NLRP7: variants seen among roughly 807,000 people sequenced by gnomAD.
The protein encoded by NLRP7 is NLR family pyrin domain containing 7, also known as NACHT, LRR and PYD domains-containing protein 7.
A neutral mutation model predicts 85.5 loss-of-function variants in NLRP7; 72 were observed. The ratio of observed to expected loss-of-function variants is 0.84; its 90% confidence interval spans 0.70 to 1.02. The LOEUF (loss-of-function observed/expected upper bound fraction) is 1.02, where lower values mean the gene tolerates loss of function less well. Ranked by LOEUF, NLRP7 falls within the 50% of genes least tolerant of loss-of-function variation. The probability of loss-of-function intolerance (pLI) is 0.00; values close to 1 mark genes in which losing one functional copy is unlikely to be tolerated. For synonymous variants in NLRP7, 550 were observed against 505.2 expected, an observed-to-expected ratio of 1.09 and a Z score of -1.19; for missense variants, 1,243 against 1,219.5, an observed-to-expected ratio of 1.02 and a Z score of -0.29.
chr19:54,955,331 AAAAT>A (rs2069817544), intron 1 of NLRP7, among the ~76,000 whole-genome samples: 1 of 152,004 alleles, frequency 6.6e-6, no homozygotes, highest in African/African-American at 2.4e-5. Flanking sequence ...CTCCGTCTCA[AAAAT>A]AAATAAATAA....
intron 6 of NLRP7, 139 bp downstream of exon 6, chr19:54,936,122 T>A (rs1021093018): frequency 4.0e-6 from 3 of 749,618 alleles, no homozygotes; most frequent in Non-Finnish European, 4.7e-6. Context: ...AGAGGCCGAC[T>A]CCCCCACACA....
At chr19:54,948,691 T>C (rs2069574651), upstream of NLRP7, among the ~76,000 whole-genome samples, 1 of 152,150 alleles carries the variant, frequency 6.6e-6, no homozygotes, top group Non-Finnish European at 1.5e-5. Context: ...TGCCTCAGCT[T>C]CCCAAGTAGC....
At position 54,934,713 on chromosome 19, in the gene NLRP7, C is replaced by A. The variant is rs987278405; in HGVS notation, c.2301-54G>T. 1 of 1,433,908 alleles carries A rather than the reference C, an allele frequency of 7.0e-7. No homozygotes were observed. The highest frequency in any genetic ancestry group is 9.5e-7 in the Non-Finnish European group (1 of 1,057,440). The allele number at this position is 1,433,908 out of a possible 1,614,324, so 88.8% of individuals were successfully genotyped here. A position where few individuals can be genotyped will look rare whatever the true frequency, so the allele number is the denominator to read the frequency against. ...TCTGGGAGGACAGAGTATACCCTAT[C>A]AGCTTTTTTTTTTTGAGACAGAGTT... On this transcript the variant is annotated intron_variant, in intron 6 of 9. Transcript: ENST00000340844. The surrounding 1 kb of genome is among the most constrained non-coding windows in gnomAD (Gnocchi z 6.7).
intron 1 of NLRP7, among the ~76,000 whole-genome samples, chr19:54,945,330 A>G (rs1158439041): frequency 6.6e-6 from 1 of 150,538 alleles, no homozygotes; most frequent in Admixed American, 6.6e-5. Flanking sequence ...GCTGGAGTGC[A>G]ATGGTGCGAG....
intron 1 of NLRP7, among the ~76,000 whole-genome samples, chr19:54,946,126 C>T (rs919598255): frequency 6.6e-6 from 1 of 151,372 alleles, no homozygotes. Context: ...AGGCTGGCCT[C>T]GAACTCCTGA....
At chr19:54,926,568 T>C (rs913534670) in intron 9 of NLRP7, among the ~76,000 whole-genome samples, 3 of 151,434 alleles carry the variant, frequency 2.0e-5, no homozygotes, top group Non-Finnish European at 4.4e-5. Context: ...TCACCTGAGG[T>C]TGGGAGTTTG....
chr19:54,955,713 G>A (rs911671920), intron 1 of NLRP7, among the ~76,000 whole-genome samples: 15 of 151,788 alleles, frequency 9.9e-5, no homozygotes, highest in African/African-American at 2.9e-4. Context: ...CGTGAATCCC[G>A]GAGTCGTAGG....
At chr19:54,923,701 C>T in exon 10 of NLRP7, 1 of 1,611,118 alleles carries the variant, frequency 6.2e-7, no homozygotes, top group Non-Finnish European at 8.5e-7. Flanking sequence ...AGACCCGAAT[C>T]CCGCTTCCTG....
intron 1 of NLRP7, among the ~76,000 whole-genome samples, chr19:54,955,253 C>T (rs779698448): frequency 6.6e-6 from 1 of 151,406 alleles, no homozygotes; most frequent in Admixed American, 6.6e-5. Context: ...CACTTGAACC[C>T]GGGTGGCAGA....
intron 1 of NLRP7, among the ~76,000 whole-genome samples, chr19:54,956,210 A>G (rs2069848364): frequency 6.6e-6 from 1 of 152,034 alleles, no homozygotes; most frequent in Non-Finnish European, 1.5e-5. Flanking sequence ...CAAGGAAGGA[A>G]GGAAGGAAGT....
chr19:54,957,060 C>G (rs1451044336), intron 1 of NLRP7, among the ~76,000 whole-genome samples: 2 of 151,948 alleles, frequency 1.3e-5, no homozygotes, highest in African/African-American at 4.8e-5. Context: ...CTCCCTCTAT[C>G]TCCCAGGCTG....
Position 54,946,945 on chromosome 19 carries a change from T to A in NLRP7, c.-40+524A>T, listed in dbSNP as rs181514163. Among the ~76,000 whole-genome samples, 384 of 151,952 alleles carry A rather than the reference T, an allele frequency of 2.5e-3. 1 individual carries two copies. The highest frequency in any genetic ancestry group is 8.8e-3 in the African/African-American group (367 of 41,480). On this transcript the variant is annotated intron_variant, in intron 1 of 9. Transcript: ENST00000340844. ...ATGAACCACTGTGCCTGGCCTTATATTTTTTTGTAATGACAGAGTTTTACC... is the reference window on the plus strand; with the variant it reads ...ATGAACCACTGTGCCTGGCCTTATAATTTTTTGTAATGACAGAGTTTTACC...
At chr19:54,953,156 G>T (rs1022263971) in intron 1 of NLRP7, 1 of 152,106 alleles carries the variant, frequency 6.6e-6, no homozygotes, top group Admixed American at 6.6e-5. Context: ...GGACCTTGCT[G>T]ATAACACAGG....
chr19:54,956,138 A>AGGAAGGAGGGAAGGAG (rs376708977), intron 1 of NLRP7, among the ~76,000 whole-genome samples: 50 of 137,572 alleles, frequency 3.6e-4, no homozygotes, highest in Non-Finnish European at 6.1e-4. Context: ...AGAGAAAGGA[A>AGGAAGGAGGGAAGGAG]GGAAGGAGGG....
In NLRP7 at chr19:54,962,614, T is replaced by G. The variant is rs2070087151; in HGVS notation, c.-77+3426A>C. Among the ~76,000 whole-genome samples, 5 of 149,578 alleles carry G rather than the reference T, an allele frequency of 3.3e-5. No homozygotes were observed. In the South Asian group the frequency reaches 1.1e-3, roughly 32 times the overall value. Reference sequence around the variant, plus strand: ...CTTTCTTTCTTTTTTGTTTGTTTGTTTTTGAGACAGAGTCTTGCTCTGTCA... The same window carrying G: ...CTTTCTTTCTTTTTTGTTTGTTTGTGTTTGAGACAGAGTCTTGCTCTGTCA... On this transcript the variant is annotated intron_variant, in intron 1 of 2. Coordinates refer to the NLRP7 transcript ENST00000587103.
upstream of NLRP7, among the ~76,000 whole-genome samples, chr19:54,950,137 T>A (rs2069622791): frequency 6.6e-6 from 1 of 151,142 alleles, no homozygotes; most frequent in African/African-American, 2.4e-5. Context: ...CAGAAGAGCT[T>A]CCTGGTTGGT....
chr19:54,963,040 A>G (rs1020499958), intron 1 of NLRP7, among the ~76,000 whole-genome samples: 3 of 152,174 alleles, frequency 2.0e-5, no homozygotes, highest in Non-Finnish European at 4.4e-5. Context: ...TTCTCAAGGA[A>G]AGTGAAAAAT....
exon 2 of NLRP7, chr19:54,941,532 G>A (rs1181248080): frequency 6.2e-7 from 1 of 1,613,956 alleles, no homozygotes; most frequent in Non-Finnish European, 8.5e-7. Context: ...CTGAGGAGGT[G>A]TTGACCAGAA....
rs1285239920 is a variant in NLRP7 at position 54,944,327 on chromosome 19, G to C, written c.-39-2577C>G. On this transcript the variant is annotated intron_variant, in intron 1 of 9. Transcript: ENST00000340844. ...GGGCTGGAGGTGACACATGCTGGCA[G>C]CAATACTGCTCTTTAATGCACCAGA... Among the ~76,000 whole-genome samples the C allele has an allele frequency of 4.0e-5, 6 of 151,838 alleles. No individual in the cohort carries two copies. In the East Asian group the frequency reaches 9.7e-4, roughly 25 times the overall value.
Sources: allele counts gnomAD v4.1 joint callset (sites outside exome capture counted in the v4.1 genomes callset), GRCh38; gene constraint gnomAD v4.1.1; non-coding constraint Gnocchi (gnomAD v3.1); transcripts MANE v1.5; gene names NCBI Gene and HGNC (gene_info 2026-07-23, HGNC 2026-07-21).